The following PLAGL2 variants were observed in gnomAD, a reference collection of about 807,000 sequenced individuals.
PLAGL2 encodes the protein PLAG1 like zinc finger 2.
A neutral mutation model predicts 29.0 loss-of-function variants in PLAGL2; 7 were observed. The observed-to-expected ratio is 0.24, with a 90% CI of 0.14 to 0.45. The LOEUF (loss-of-function observed/expected upper bound fraction) is 0.45, where lower values mean the gene tolerates loss of function less well. PLAGL2 is among the 20% of genes least tolerant of loss of function. PLAGL2 has a pLI of 0.99. For synonymous variants in PLAGL2, 234 were observed against 266.0 expected (o/e 0.88, Z 1.17); for missense variants, 454 against 648.2 (o/e 0.70, Z 3.25).
Position 32,195,689 on chromosome 20 carries a change from C to A in PLAGL2, c.*763G>T, listed in dbSNP as rs2047224125. The A allele has an allele frequency of 6.5e-6, 1 of 152,702 alleles. No individual in the cohort carries two copies. The highest frequency in any genetic ancestry group is 2.4e-5 in the African/African-American group (1 of 41,452). The allele number at this position is 152,702 out of a possible 1,614,324, so 9.5% of individuals were successfully genotyped here. A position where few individuals can be genotyped will look rare whatever the true frequency, so the allele number is the denominator to read the frequency against. On this transcript the variant is annotated 3_prime_UTR_variant, in exon 3 of 3. Transcript: ENST00000246229. ...CCTCAAATGAAGAGAAGTCAGCAAG[C>A]CCCGACTCCACCTTGTAAACAGGAC...
intron 1 of PLAGL2, among the ~76,000 whole-genome samples, chr20:32,204,500 T>G (rs1240742468): frequency 6.6e-6 from 1 of 152,190 alleles, no homozygotes; most frequent in East Asian, 1.9e-4. Flanking sequence ...AGCCATGTGC[T>G]CACCTTGATC....
At position 32,194,385 on chromosome 20, in the gene PLAGL2, TAAAC is replaced by T. The variant is rs1377813540; in HGVS notation, c.*2063_*2066del. 2 of 152,356 alleles carry T rather than the reference TAAAC, an allele frequency of 1.3e-5. No individual in the cohort carries two copies. Among genetic ancestry groups the T allele is most frequent in the Non-Finnish European group, 2.9e-5 (2 of 68,024 alleles). 9.4% of individuals were successfully genotyped at this position (152,356 alleles called of 1,614,324 possible). Reference sequence around the variant, plus strand: ...GTACCAAGGTAGACACTTTTTAAAATAAACCTTAATTAGTCCCTGGGACTCACTG... The same window carrying T: ...GTACCAAGGTAGACACTTTTTAAAATCTTAATTAGTCCCTGGGACTCACTG... On this transcript the variant is annotated 3_prime_UTR_variant, in exon 3 of 3. Coordinates refer to ENST00000246229, the MANE Select transcript of PLAGL2 (RefSeq NM_002657.3).
Position 32,193,459 on chromosome 20 carries a change from G to C in PLAGL2, c.*2993C>G, listed in dbSNP as rs1015565435. The C allele has an allele frequency of 3.7e-4, 56 of 152,240 alleles. No homozygotes were observed. The highest frequency in any genetic ancestry group is 1.4e-3 in the African/African-American group (56 of 41,438). The allele number at this position is 152,240 out of a possible 1,614,324, so 9.4% of individuals were successfully genotyped here. A position where few individuals can be genotyped will look rare whatever the true frequency, so the allele number is the denominator to read the frequency against. On this transcript the variant is annotated 3_prime_UTR_variant, in exon 3 of 3. Transcript: ENST00000246229. Reference sequence around the variant, plus strand: ...TCCCTGCCTCCCACCTCAAGATGATGCAGAGATCCTTTGAGCTGACACCTG... The same window carrying C: ...TCCCTGCCTCCCACCTCAAGATGATCCAGAGATCCTTTGAGCTGACACCTG...
intron 2 of PLAGL2, among the ~76,000 whole-genome samples, chr20:32,201,605 A>C (rs537563515): frequency 6.6e-6 from 1 of 152,096 alleles, no homozygotes. Context: ...ACAAACAAAC[A>C]AACAAAACTC....
At chr20:32,206,069 A>T (rs1361392472) in intron 1 of PLAGL2, among the ~76,000 whole-genome samples, 1 of 152,228 alleles carries the variant, frequency 6.6e-6, no homozygotes, top group Non-Finnish European at 1.5e-5. Context: ...CTTGGGATAG[A>T]ATCTTCCCTT....
Position 32,194,776 on chromosome 20 carries a change from T to G in PLAGL2, c.*1676A>C, listed in dbSNP as rs1028814498. 1 of 152,622 alleles carries G rather than the reference T, an allele frequency of 6.6e-6. No homozygotes were observed. Among genetic ancestry groups the G allele is most frequent in the African/African-American group, 2.4e-5 (1 of 41,428 alleles). The allele number at this position is 152,622 out of a possible 1,614,324, so 9.5% of individuals were successfully genotyped here. A position where few individuals can be genotyped will look rare whatever the true frequency, so the allele number is the denominator to read the frequency against. On this transcript the variant is annotated 3_prime_UTR_variant, in exon 3 of 3. Transcript: ENST00000246229. Reference sequence around the variant, plus strand: ...AGCATGAGGCACCTACTGAGAGAAGTGCCCAGAAACTGCTGACTGCATCTG... The same window carrying G: ...AGCATGAGGCACCTACTGAGAGAAGGGCCCAGAAACTGCTGACTGCATCTG...
intron 1 of PLAGL2, among the ~76,000 whole-genome samples, chr20:32,206,153 C>CAA (rs57039035): frequency 3.3e-5 from 5 of 152,078 alleles, no homozygotes; most frequent in African/African-American, 1.2e-4. Context: ...CAAAACAAAA[C>CAA]AAAAAACAGA....
At position 32,194,535 on chromosome 20, in the gene PLAGL2, A is replaced by C. The variant is rs2047217907; in HGVS notation, c.*1917T>G. ...GCCTAAATCAAAACACACTTACTCC[A>C]AATTGCTTCTAATCAAGAGCTAGGG... On this transcript the variant is annotated 3_prime_UTR_variant, in exon 3 of 3. Transcript: ENST00000246229. 1 of 152,636 alleles carries C rather than the reference A, an allele frequency of 6.6e-6. No individual in the cohort carries two copies. Among genetic ancestry groups the C allele is most frequent in the African/African-American group, 2.4e-5 (1 of 41,442 alleles). 9.5% of individuals were successfully genotyped at this position (152,636 alleles called of 1,614,324 possible).
chr20:32,203,292 T>C (rs2047268921), intron 1 of PLAGL2, among the ~76,000 whole-genome samples: 1 of 152,196 alleles, frequency 6.6e-6, no homozygotes, highest in South Asian at 2.1e-4. Flanking sequence ...TTAAACTGGG[T>C]TCGCAGCCAT....
intron 1 of PLAGL2, among the ~76,000 whole-genome samples, chr20:32,205,628 G>A (rs1024787269): frequency 6.6e-6 from 1 of 152,152 alleles, no homozygotes; most frequent in African/African-American, 2.4e-5. Flanking sequence ...CATCTCTATA[G>A]AAACTGCGTT....
chr20:32,204,799 T>C (rs2047277705), intron 1 of PLAGL2, among the ~76,000 whole-genome samples: 1 of 152,254 alleles, frequency 6.6e-6, no homozygotes, highest in African/African-American at 2.4e-5. Flanking sequence ...AGAATTCTAC[T>C]TCTCTTTCAA....
At position 32,196,890 on chromosome 20, in the gene PLAGL2, G is replaced by A. The variant is rs759066428; in HGVS notation, c.1053C>T (p.Pro351=). 1.9e-5 allele frequency: 31 copies of A among 1,614,106 alleles called. No individual in the cohort carries two copies. The highest frequency in any genetic ancestry group is 1.6e-4 in the Middle Eastern group (1 of 6,062). ...CCACCTCCACTTTGGGCAATTTGTCGGGCAAGTATGAGGTAGATCCAAGCT... is the reference window on the plus strand; with the variant it reads ...CCACCTCCACTTTGGGCAATTTGTCAGGCAAGTATGAGGTAGATCCAAGCT... ...KYQLGSTSYL[P]DKLPKVEVDS... Residue 351 remains proline, a synonymous_variant, in exon 3 of 3, where the codon CCC becomes CCT. Transcript: ENST00000246229.
chr20:32,201,399 A>T (rs2047258660), intron 2 of PLAGL2, among the ~76,000 whole-genome samples: 1 of 152,104 alleles, frequency 6.6e-6, no homozygotes, highest in East Asian at 1.9e-4. Context: ...AGCCTGGGGA[A>T]CACAGCCACA....
At chr20:32,200,276 C>A (rs141045002) in intron 2 of PLAGL2, among the ~76,000 whole-genome samples, 1 of 152,180 alleles carries the variant, frequency 6.6e-6, no homozygotes, top group Admixed American at 6.5e-5. Flanking sequence ...CTCGCTCTGT[C>A]GCCCAGGCTG....
At chr20:32,203,674 A>G (rs1354309397) in intron 1 of PLAGL2, among the ~76,000 whole-genome samples, 1 of 152,170 alleles carries the variant, frequency 6.6e-6, no homozygotes, top group East Asian at 1.9e-4. Context: ...TCAGCTCATT[A>G]GCACCTGCTG....
intron 1 of PLAGL2, among the ~76,000 whole-genome samples, chr20:32,207,113 G>A (rs1006552118): frequency 2.0e-5 from 3 of 152,164 alleles, no homozygotes; most frequent in African/African-American, 4.8e-5. Context: ...CTACAGGTGG[G>A]GCTTATTCGA....
chr20:32,200,393 C>T (rs538333649), intron 2 of PLAGL2, among the ~76,000 whole-genome samples: 7 of 152,204 alleles, frequency 4.6e-5, no homozygotes, highest in Middle Eastern at 3.4e-3. Context: ...CCTGCCACCG[C>T]GCCCAGCTAA....
intron 2 of PLAGL2, among the ~76,000 whole-genome samples, chr20:32,201,685 G>A (rs935395430): frequency 6.6e-6 from 1 of 152,222 alleles, no homozygotes; most frequent in African/African-American, 2.4e-5. Context: ...AGTGGCTCAC[G>A]CCAGCAATCC....
intron 1 of PLAGL2, among the ~76,000 whole-genome samples, chr20:32,203,104 C>T (rs538361478): frequency 3.3e-5 from 5 of 152,184 alleles, no homozygotes; most frequent in Admixed American, 1.3e-4. Flanking sequence ...GTAGCGAGCT[C>T]GCATTGGAAT....
Sources: allele counts gnomAD v4.1 joint callset (sites outside exome capture counted in the v4.1 genomes callset), GRCh38; gene constraint gnomAD v4.1.1; transcripts MANE v1.5; gene names NCBI Gene and HGNC (gene_info 2026-07-23, HGNC 2026-07-21).